Variants in DOCK8 observed in about 807,000 individuals in gnomAD.
DOCK8 encodes the protein dedicator of cytokinesis 8.
Under a neutral mutation model 245.6 loss-of-function variants are expected in DOCK8, and 141 were observed. That is an observed-to-expected ratio of 0.57 (90% CI 0.50 to 0.66). DOCK8 has a LOEUF of 0.66. DOCK8 is among the 30% of genes least tolerant of loss of function. DOCK8 has a pLI of 0.00. For synonymous variants in DOCK8, 1,168 were observed against 970.2 expected (o/e 1.20, Z -3.79); for missense variants, 2,965 against 2,603.4 (o/e 1.14, Z -3.02).
intron 2 of DOCK8, among the ~76,000 whole-genome samples, chr9:280,078 A>G (rs1180791032): frequency 2.6e-5 from 4 of 152,232 alleles, no homozygotes; most frequent in Non-Finnish European, 5.9e-5. Flanking sequence ...AACAAATTGA[A>G]TCTTACCCTT....
At chr9:345,059 A>T (rs1180377003) in intron 14 of DOCK8, among the ~76,000 whole-genome samples, 1 of 152,150 alleles carries the variant, frequency 6.6e-6, no homozygotes, top group African/African-American at 2.4e-5. Flanking sequence ...TGTCTCAAAA[A>T]AAAGGTATTA....
chr9:367,943 T>C (rs1310159805), intron 14 of DOCK8, 75 bp from the exon 15 acceptor site: 2 of 1,268,610 alleles, frequency 1.6e-6, no homozygotes, highest in African/African-American at 3.0e-5. Context: ...AATGGAAGTC[T>C]CAGCATTTGC....
Position 420,497 on chromosome 9 carries a change from A to G in DOCK8, c.3937A>G (p.Arg1313Gly), listed in dbSNP as rs1306413076. The change falls in exon 31 of 48, where the codon AGG (arginine) becomes GGG (glycine). Residue 1313 changes from arginine (R) to glycine (G), a missense_variant. By Grantham distance (125) the Arg-to-Gly change is moderately radical. This residue lies in a region of DOCK8 where 2,825 missense variants were observed against 2,453.5 expected (regional missense o/e 1.15). Coordinates refer to ENST00000432829, the MANE Select transcript of DOCK8 (RefSeq NM_203447.4). Reference protein sequence around the residue: ...IMKNADQSLIRKWIADLPSTQ... With the variant: ...IMKNADQSLIGKWIADLPSTQ... ...GAAAAATGCTGATCAGAGCCTCATTAGGAAGTGGATTGCTGACCTGCCATC... is the reference window on the plus strand; with the variant it reads ...GAAAAATGCTGATCAGAGCCTCATTGGGAAGTGGATTGCTGACCTGCCATC... 1.2e-6 allele frequency: 2 copies of G among 1,614,062 alleles called. No individual in the cohort carries two copies. The highest frequency in any genetic ancestry group is 1.1e-5 in the South Asian group (1 of 91,092).
chr9:312,395 G>C, intron 6 of DOCK8: 1 of 662,826 alleles, frequency 1.5e-6, no homozygotes, highest in Non-Finnish European at 2.8e-6. Context: ...AATTTTCATA[G>C]CACTTTACAA....
At chr9:333,940 G>A (rs890228658) in intron 10 of DOCK8, among the ~76,000 whole-genome samples, 3 of 152,174 alleles carry the variant, frequency 2.0e-5, no homozygotes, top group African/African-American at 7.2e-5. Context: ...ATAATCTGAT[G>A]TAATGAGTCT....
chr9:276,098 C>T (rs2048336031), intron 2 of DOCK8, among the ~76,000 whole-genome samples: 1 of 151,992 alleles, frequency 6.6e-6, no homozygotes, highest in South Asian at 2.1e-4. Flanking sequence ...GCCATGTTGG[C>T]CAGGCTGGTC....
chr9:282,408 G>A (rs80310743), intron 2 of DOCK8, among the ~76,000 whole-genome samples: 31,699 of 140,274 alleles, frequency 0.23, 3,835 homozygotes, highest in Non-Finnish European at 0.26. Context: ...TTTTTGTTTC[G>A]TTTTGTTTTT....
chr9:379,980 C>G, intron 21 of DOCK8, 45 bp downstream of exon 21: 2 of 1,591,184 alleles, frequency 1.3e-6, no homozygotes, highest in Non-Finnish European at 1.7e-6. Flanking sequence ...GGGGCAACAC[C>G]ACCTCCACCC....
intron 14 of DOCK8, among the ~76,000 whole-genome samples, chr9:356,487 A>G (rs937195694): frequency 6.0e-5 from 9 of 149,350 alleles, no homozygotes; most frequent in African/African-American, 2.0e-4. Flanking sequence ...GCGAGATTGC[A>G]CCACTGCACT....
intron 7 of DOCK8, among the ~76,000 whole-genome samples, 171 bp from the exon 8 acceptor site, chr9:325,500 C>G (rs538392165): frequency 7.2e-5 from 11 of 152,284 alleles, no homozygotes; most frequent in Admixed American, 2.0e-4. Flanking sequence ...TTTCACAAAC[C>G]TCCTATATTT....
At chr9:215,405 C>T (rs756683196) in intron 1 of DOCK8, 5 of 1,542,744 alleles carry the variant, frequency 3.2e-6, no homozygotes, top group Non-Finnish European at 4.4e-6. Flanking sequence ...ATAAACGGCT[C>T]CTTCCTTTGA....
At chr9:375,576 C>T (rs1000687616) in intron 18 of DOCK8, among the ~76,000 whole-genome samples, 1 of 152,128 alleles carries the variant, frequency 6.6e-6, no homozygotes, top group African/African-American at 2.4e-5. Context: ...ATTTTAATTC[C>T]TAGAATCCAG....
intron 38 of DOCK8, 74 bp downstream of exon 38, chr9:434,049 G>GTAA: frequency 9.6e-7 from 1 of 1,044,100 alleles, no homozygotes; most frequent in East Asian, 2.4e-5. Flanking sequence ...TCTTACTAAT[G>GTAA]TAATGATCAC....
At chr9:389,441 A>G (rs958873108) in intron 23 of DOCK8, among the ~76,000 whole-genome samples, 1 of 152,138 alleles carries the variant, frequency 6.6e-6, no homozygotes, top group African/African-American at 2.4e-5. Context: ...GGCTGATACT[A>G]CTATGCCTTT....
chr9:219,366 G>A lies in DOCK8; in HGVS notation c.53+4337G>A, dbSNP rs182212794. On this transcript the variant is annotated intron_variant, in intron 1 of 47. Transcript: ENST00000432829. ...TGCACCTGTAATCCCAGCTACTTAG[G>A]AGGCTGAGGTGGGATAATTGCTTGA... Among the ~76,000 whole-genome samples the A allele has an allele frequency of 1.8e-4, 27 of 152,204 alleles. No individual in the cohort carries two copies. In the East Asian group the frequency reaches 5.2e-3, roughly 29 times the overall value.
chr9:430,742 AC>A (rs1251790785), intron 36 of DOCK8, among the ~76,000 whole-genome samples: 4 of 152,174 alleles, frequency 2.6e-5, no homozygotes, highest in African/African-American at 4.8e-5. Flanking sequence ...GGGAAAAAAT[AC>A]AATAGACAGG....
chr9:213,163 G>A (rs2046647699), upstream of DOCK8: 1 of 152,130 alleles, frequency 6.6e-6, no homozygotes, highest in Non-Finnish European at 1.5e-5. Flanking sequence ...GTAGTCTATT[G>A]TAGTCTATGC....
At chr9:329,753 T>G (rs1291868092) in intron 9 of DOCK8, among the ~76,000 whole-genome samples, 4 of 152,238 alleles carry the variant, frequency 2.6e-5, no homozygotes, top group African/African-American at 9.6e-5. Flanking sequence ...TGGATGACTT[T>G]CTCTTGATTA....
At chr9:262,626 A>C (rs574355251) in intron 1 of DOCK8, among the ~76,000 whole-genome samples, 2 of 151,712 alleles carry the variant, frequency 1.3e-5, no homozygotes, top group Non-Finnish European at 2.9e-5. Flanking sequence ...TCGAAAATGC[A>C]AAGGATCTAC....
Sources: allele counts gnomAD v4.1 joint callset (sites outside exome capture counted in the v4.1 genomes callset), GRCh38; gene constraint gnomAD v4.1.1; regional missense constraint gnomAD v4.1.1; transcripts MANE v1.5; gene names NCBI Gene and HGNC (gene_info 2026-07-23, HGNC 2026-07-21).